Variants in RGS12 observed in about 807,000 individuals in gnomAD.
RGS12 encodes the protein regulator of G protein signaling 12, also known as regulator of G-protein signaling 12.
Under a neutral mutation model 120.1 loss-of-function variants are expected in RGS12, and 66 were observed. The observed-to-expected ratio is 0.55, with a 90% CI of 0.45 to 0.67. RGS12 has a LOEUF of 0.67. Among genes scored for constraint, RGS12 ranks in the 30% least tolerant of loss-of-function variants. The probability of loss-of-function intolerance (pLI) is 0.00; values close to 1 mark genes in which losing one functional copy is unlikely to be tolerated. For synonymous variants in RGS12, 827 were observed against 804.7 expected (o/e 1.03, Z -0.47); for missense variants, 1,859 against 1,957.7 (o/e 0.95, Z 0.95).
intron 3 of RGS12, among the ~76,000 whole-genome samples, chr4:3,346,681 C>T (rs1018663058): frequency 2.6e-5 from 4 of 152,184 alleles, no homozygotes; most frequent in Non-Finnish European, 4.4e-5. Context: ...AGTCTAATAA[C>T]AGGAGTATTG....
intron 4 of RGS12, among the ~76,000 whole-genome samples, chr4:3,406,765 G>T (rs993383560): frequency 6.6e-6 from 1 of 152,230 alleles, no homozygotes; most frequent in African/African-American, 2.4e-5. Context: ...GAGCAACAGA[G>T]GTGGGTGTGG....
chr4:3,414,921 G>A, intron 6 of RGS12, 77 bp downstream of exon 6: 1 of 1,052,438 alleles, frequency 9.5e-7, no homozygotes, highest in Non-Finnish European at 1.5e-6. Flanking sequence ...TGTGTGAGAG[G>A]GCCACGTGTG....
rs775335039 is a variant in RGS12, at chr4:3,316,605, A to G, written c.435A>G (p.Gly145=). 3.1e-6 allele frequency: 5 copies of G among 1,614,074 alleles called. No homozygotes were observed. The South Asian group carries it at 3.3e-5, about 11-fold the overall frequency. Residue 145 remains glycine, a synonymous_variant, in exon 2 of 18, where the codon GGA becomes GGG. Coordinates refer to ENST00000336727, the MANE Select transcript of RGS12 (RefSeq NM_001394154.1). The stretch of plus-strand genomic sequence containing the variant: ...TCGTGGAGGAAATGCAGTCTGGTGG[A>G]ATTTTCAATATGATTTTTGAAAACC... ...ERVVEEMQSG[G]IFNMIFENPS...
At chr4:3,314,260 C>A (rs1168168355) in intron 1 of RGS12, 1 of 152,080 alleles carries the variant, frequency 6.6e-6, no homozygotes, top group African/African-American at 2.4e-5. Context: ...CTAGTAATAG[C>A]CTTTCCACTC....
chr4:3,297,269 C>T (rs753344290), intron 1 of RGS12, among the ~76,000 whole-genome samples: 6 of 152,182 alleles, frequency 3.9e-5, no homozygotes, highest in Non-Finnish European at 5.9e-5. Context: ...GTTGTCCTTC[C>T]AGCATGCCTG....
intron 4 of RGS12, among the ~76,000 whole-genome samples, chr4:3,398,580 A>G (rs986824393): frequency 6.6e-6 from 1 of 152,202 alleles, no homozygotes; most frequent in African/African-American, 2.4e-5. Context: ...TTAATATCAG[A>G]CAAAGTGAAA....
Position 3,415,637 on chromosome 4 carries a change from G to A in RGS12, c.2284-341G>A, listed in dbSNP as rs114011678. On this transcript the variant is annotated intron_variant, in intron 6 of 17. Coordinates refer to ENST00000336727, the MANE Select transcript of RGS12 (RefSeq NM_001394154.1). ...GCTTCCAGGCTTCGGGGCTGCTTTC[G>A]TCTGCTCGCAATGCTCAGAGGGCGC... Among the ~76,000 whole-genome samples, 27 of 152,300 alleles carry A rather than the reference G, an allele frequency of 1.8e-4. No homozygotes were observed. In the East Asian group the frequency reaches 3.1e-3, roughly 17 times the overall value.
At chr4:3,420,766 C>T in intron 10 of RGS12, 48 bp downstream of exon 10, 4 of 1,461,102 alleles carry the variant, frequency 2.7e-6, no homozygotes, top group Non-Finnish European at 3.8e-6. Context: ...GGTGTCCCCA[C>T]CAGCTGACTG....
At chr4:3,407,448 C>G (rs773012811) in intron 4 of RGS12, 2 of 152,312 alleles carry the variant, frequency 1.3e-5, no homozygotes, top group Non-Finnish European at 1.5e-5. Context: ...GGACGCAGGC[C>G]TTTGCTCGGG....
chr4:3,418,081 GTAT>G (rs1396232324), intron 9 of RGS12: 1 of 152,562 alleles, frequency 6.6e-6, no homozygotes, highest in Non-Finnish European at 1.5e-5. Flanking sequence ...GTTAAGATTG[GTAT>G]TTGATATTGG....
chr4:3,362,005 G>A (rs1055526460), intron 3 of RGS12, among the ~76,000 whole-genome samples: 3 of 152,210 alleles, frequency 2.0e-5, no homozygotes, highest in South Asian at 2.1e-4. Flanking sequence ...AGGAGCCAGC[G>A]TGTAGCGCTC....
intron 13 of RGS12, 169 bp downstream of exon 13, chr4:3,423,810 T>A: frequency 1.3e-6 from 1 of 754,296 alleles, no homozygotes; most frequent in South Asian, 1.9e-5. Context: ...CAGTTCTCGT[T>A]CTGTGCAGTG....
rs557534642 is a variant in RGS12, at chr4:3,401,674, G to A, written c.2021-12398G>A. 1.4e-4 allele frequency among the ~76,000 whole-genome samples: 21 copies of A among 152,380 alleles called. 1 individual carries two copies. The highest frequency in any genetic ancestry group is 9.8e-4 in the Admixed American group (15 of 15,306). On this transcript the variant is annotated intron_variant, in intron 4 of 17. Coordinates refer to ENST00000336727, the MANE Select transcript of RGS12 (RefSeq NM_001394154.1). ...CCAAACAGTGTGACTCTGGAACCACGCCGTGAACCGGCACACTGTGGACTA... is the reference window on the plus strand; with the variant it reads ...CCAAACAGTGTGACTCTGGAACCACACCGTGAACCGGCACACTGTGGACTA...
intron 16 of RGS12, 37 bp from the exon 17 acceptor site, chr4:3,430,370 C>T: frequency 6.4e-7 from 1 of 1,565,310 alleles, no homozygotes; most frequent in African/African-American, 1.4e-5. Context: ...ATGTGAAACT[C>T]TCTAAAACAC....
intron 4 of RGS12, among the ~76,000 whole-genome samples, chr4:3,412,406 CCT>C (rs1491382010): frequency 4.6e-5 from 7 of 152,236 alleles, no homozygotes; most frequent in African/African-American, 1.7e-4. Context: ...CGCTTCTGCC[CCT>C]GAGAGGAGTT....
At chr4:3,308,737 G>A (rs1724116725) in intron 1 of RGS12, among the ~76,000 whole-genome samples, 1 of 152,248 alleles carries the variant, frequency 6.6e-6, no homozygotes, top group Admixed American at 6.5e-5. Context: ...GGGCTTGGTG[G>A]GCCCTTTGCA....
At chr4:3,324,764 TTAGG>T (rs1481248711) in intron 2 of RGS12, 9 of 152,282 alleles carry the variant, frequency 5.9e-5, no homozygotes, top group Non-Finnish European at 2.9e-5. Context: ...TTTCAGCATC[TTAGG>T]TAGCTGGAGA....
Position 3,372,145 on chromosome 4 carries a change from G to A in RGS12, c.1999-14271G>A, listed in dbSNP as rs971408203. ...CTAGTTAGATGCTGAGAGGAGGCACGGAGACCCCAGCCCCAAAGAAATAGG... is the reference window on the plus strand; with the variant it reads ...CTAGTTAGATGCTGAGAGGAGGCACAGAGACCCCAGCCCCAAAGAAATAGG... On this transcript the variant is annotated intron_variant, in intron 3 of 17. Coordinates refer to ENST00000336727, the MANE Select transcript of RGS12 (RefSeq NM_001394154.1). This position sits in a 1 kb window ranked among gnomAD's most constrained non-coding sequence, Gnocchi z 4.3. Among the ~76,000 whole-genome samples the A allele has an allele frequency of 2.0e-5, 3 of 152,184 alleles. No homozygotes were observed. Among genetic ancestry groups the A allele is most frequent in the Admixed American group, 6.5e-5 (1 of 15,284 alleles).
chr4:3,349,436 T>C (rs1216529167), intron 3 of RGS12, among the ~76,000 whole-genome samples: 1 of 152,222 alleles, frequency 6.6e-6, no homozygotes, highest in Non-Finnish European at 1.5e-5. Context: ...TACATACCTA[T>C]AACTTTCTTC....
Sources: gnomAD v4.1 joint callset for allele counts (sites outside exome capture counted in the v4.1 genomes callset) on GRCh38, gnomAD v4.1.1 for gene constraint, Gnocchi (gnomAD v3.1) non-coding constraint, MANE v1.5 for transcripts, NCBI Gene and HGNC (gene_info 2026-07-23, HGNC 2026-07-21) for gene names.